COL19A1: variants seen among roughly 807,000 people sequenced by gnomAD.
COL19A1 encodes collagen type XIX alpha 1 chain.
A neutral mutation model predicts 190.2 loss-of-function variants in COL19A1; 159 were observed. The ratio of observed to expected loss-of-function variants is 0.84; its 90% CI spans 0.73 to 0.95. COL19A1 has a LOEUF of 0.95. COL19A1 is among the 40% of genes least tolerant of loss of function. The probability of loss-of-function intolerance (pLI) is 0.00; values close to 1 mark genes in which losing one functional copy is unlikely to be tolerated. For missense variants in COL19A1, 1,418 were observed against 1,431.9 expected (o/e 0.99, Z 0.16); for synonymous variants, 509 against 458.9 (o/e 1.11, Z -1.39).
At chr6:70,171,481 A>C (rs917352464) in intron 40 of COL19A1, among the ~76,000 whole-genome samples, 1 of 152,218 alleles carries the variant, frequency 6.6e-6, no homozygotes, top group Non-Finnish European at 1.5e-5. Context: ...TCCTGGGGTC[A>C]ACTTCTTAAG....
chr6:70,113,377 A>G (rs1432411081), intron 16 of COL19A1, among the ~76,000 whole-genome samples: 1 of 152,152 alleles, frequency 6.6e-6, no homozygotes, highest in South Asian at 2.1e-4. Flanking sequence ...AACAGAATAC[A>G]ATGGCACTAT....
chr6:69,965,370 G>A (rs1024161313), intron 11 of COL19A1, among the ~76,000 whole-genome samples: 1 of 152,128 alleles, frequency 6.6e-6, no homozygotes, highest in Non-Finnish European at 1.5e-5. Context: ...ATATTTTCAG[G>A]TGACATTTCT....
In COL19A1 at chr6:70,188,162, A is replaced by C; in HGVS notation, c.2944A>C (p.Met982Leu). 1 of 1,614,010 alleles carries C rather than the reference A, an allele frequency of 6.2e-7. No homozygotes were observed. The highest frequency in any genetic ancestry group is 1.3e-5 in the African/African-American group (1 of 75,054). ...AGGCATGAAGGGGGCCATCGGTCCT[A>C]TGGGTCCACCAGGAAACAAGGGCTC... is the stretch of plus-strand genomic sequence containing the variant. ...LTGMKGAIGP[M>L]GPPGNKGSMG... Residue 982 changes from methionine to leucine, a missense_variant, in exon 47 of 51, where the codon ATG becomes CTG. Transcript: ENST00000620364.
chr6:70,142,954 C>T, intron 23 of COL19A1, 134 bp downstream of exon 23: 1 of 698,778 alleles, frequency 1.4e-6, no homozygotes, highest in Non-Finnish European at 2.4e-6. Flanking sequence ...GCCACAAAAA[C>T]TGATCATACC....
chr6:69,967,588 G>A (rs1287927995), intron 11 of COL19A1, among the ~76,000 whole-genome samples: 7 of 152,122 alleles, frequency 4.6e-5, no homozygotes, highest in African/African-American at 4.8e-5. Context: ...TATGGTCCCT[G>A]CTTTAACTCA....
intron 11 of COL19A1, among the ~76,000 whole-genome samples, chr6:69,989,020 C>T (rs1471475710): frequency 1.3e-5 from 2 of 152,180 alleles, no homozygotes; most frequent in Non-Finnish European, 2.9e-5. Context: ...TGCTTCTCCC[C>T]TCTTTTCCTG....
rs577739572 is a variant in COL19A1 at position 69,934,914 on chromosome 6, C to A, written c.748-1871C>A. 2.0e-5 allele frequency among the ~76,000 whole-genome samples: 3 copies of A among 151,938 alleles called. No homozygotes were observed. The South Asian group carries it at 6.2e-4, about 32-fold the overall frequency. Reference sequence around the variant, plus strand: ...ATTGTATTTATTTTCTTTTTTGTTGCAAAATGTTTTGAACTCAGAAATTTT... The same window carrying A: ...ATTGTATTTATTTTCTTTTTTGTTGAAAAATGTTTTGAACTCAGAAATTTT... On this transcript the variant is annotated intron_variant, in intron 7 of 50. Coordinates refer to ENST00000620364, the MANE Select transcript of COL19A1 (RefSeq NM_001858.6).
intron 4 of COL19A1, among the ~76,000 whole-genome samples, chr6:69,924,907 T>C (rs893361119): frequency 6.6e-6 from 1 of 152,216 alleles, no homozygotes; most frequent in Non-Finnish European, 1.5e-5. Flanking sequence ...TCTGTTCACA[T>C]CCTTTGCCCA....
intron 14 of COL19A1, among the ~76,000 whole-genome samples, chr6:70,065,657 C>G (rs1435019665): frequency 6.6e-6 from 1 of 152,168 alleles, no homozygotes; most frequent in African/African-American, 2.4e-5. Context: ...AAACTGCCAT[C>G]AGAGTGAACA....
chr6:70,065,594 C>T lies in COL19A1; in HGVS notation c.1171-2829C>T, dbSNP rs545902642. Among the ~76,000 whole-genome samples the T allele has an allele frequency of 7.9e-5, 12 of 152,218 alleles. No homozygotes were observed. In the East Asian group the frequency reaches 2.3e-3, roughly 29 times the overall value. ...CACCAAAAGCAATGGCAACAAAAGC[C>T]AAAATTGACAAATGGGATCTAATTA... is the stretch of plus-strand genomic sequence containing the variant. On this transcript the variant is annotated intron_variant, in intron 14 of 50. Transcript: ENST00000620364.
intron 4 of COL19A1, among the ~76,000 whole-genome samples, chr6:69,921,798 A>G (rs1771976073): frequency 6.7e-6 from 1 of 148,626 alleles, no homozygotes; most frequent in Admixed American, 6.7e-5. Flanking sequence ...AGATTCGTAT[A>G]TGTATATTCG....
Position 69,900,313 on chromosome 6 carries a change from A to C in COL19A1, c.241A>C (p.Ser81Arg), listed in dbSNP as rs1160654234. The C allele has an allele frequency of 1.3e-6, 2 of 1,586,704 alleles. No individual in the cohort carries two copies. Among genetic ancestry groups the C allele is most frequent in the African/African-American group, 1.3e-5 (1 of 74,300 alleles). The change falls in exon 4 of 51, where the codon AGT (serine) becomes CGT (arginine). Residue 81 changes from serine (S) to arginine (R), a missense_variant. Coordinates refer to ENST00000620364, the MANE Select transcript of COL19A1 (RefSeq NM_001858.6). The stretch of plus-strand genomic sequence containing the variant: ...TGATAAAACCTGTTTCAAATTGGGA[A>C]GTGCACTTCTTATTAGAGACACTAT... Reference protein sequence around the residue: ...ESDKTCFKLGSALLIRDTIKI... With the variant: ...ESDKTCFKLGRALLIRDTIKI...
intron 15 of COL19A1, among the ~76,000 whole-genome samples, chr6:70,074,498 C>CA (rs368408394): frequency 0.07 from 6,839 of 97,060 alleles, 347 homozygotes; most frequent in Non-Finnish European, 0.092. Flanking sequence ...GACTCCACCT[C>CA]AAAAAAAAAA....
intron 14 of COL19A1, among the ~76,000 whole-genome samples, chr6:70,055,503 G>A (rs1040621434): frequency 2.0e-5 from 3 of 151,538 alleles, no homozygotes; most frequent in Non-Finnish European, 2.9e-5. Context: ...ATTTTTTGGC[G>A]TGGCCTGGTG....
At position 70,205,793 on chromosome 6, in the gene COL19A1, A is replaced by G. The variant is rs549786522; in HGVS notation, c.3224-1108A>G. ...GTACTCTTGTAGCTCAGCCAATAGC[A>G]AGCATATTAGATAGTAAGAATAATT... On this transcript the variant is annotated intron_variant, in intron 49 of 50. Coordinates refer to ENST00000620364, the MANE Select transcript of COL19A1 (RefSeq NM_001858.6). 1.1e-3 allele frequency among the ~76,000 whole-genome samples: 160 copies of G among 152,226 alleles called. 2 individuals are homozygous for G. The highest frequency in any genetic ancestry group is 2.1e-3 in the Non-Finnish European group (145 of 68,046).
At chr6:70,045,330 A>AT (rs1779852163) in intron 14 of COL19A1, among the ~76,000 whole-genome samples, 1 of 151,740 alleles carries the variant, frequency 6.6e-6, no homozygotes, top group South Asian at 2.1e-4. Context: ...AAAAAAAAAA[A>AT]AAAAACTTTC....
chr6:70,035,873 G>A, intron 13 of COL19A1, 31 bp from the exon 14 acceptor site: 1 of 1,598,912 alleles, frequency 6.3e-7, no homozygotes, highest in Non-Finnish European at 8.6e-7. Flanking sequence ...GGGACTAGTG[G>A]TAATTGTAGC....
intron 49 of COL19A1, among the ~76,000 whole-genome samples, chr6:70,203,450 A>C (rs1445162554): frequency 2.0e-5 from 3 of 152,146 alleles, no homozygotes; most frequent in Non-Finnish European, 4.4e-5. Context: ...GGGCATTTGG[A>C]TATGGGAGGA....
chr6:69,879,465 A>G, intron 1 of COL19A1, 71 bp from the exon 2 acceptor site: 1 of 824,066 alleles, frequency 1.2e-6, no homozygotes, highest in Non-Finnish European at 2.0e-6. Flanking sequence ...TGCTTTGGTA[A>G]CATTTTCTGG....
Sources: gnomAD v4.1 joint callset for allele counts (sites outside exome capture counted in the v4.1 genomes callset) on GRCh38, gnomAD v4.1.1 for gene constraint, MANE v1.5 for transcripts, NCBI Gene and HGNC (gene_info 2026-07-23, HGNC 2026-07-21) for gene names.